The following CELA3A variants were observed in gnomAD, a reference collection of about 807,000 sequenced individuals.
CELA3A encodes chymotrypsin like elastase 3A, also known as chymotrypsin-like elastase family member 3A.
A neutral mutation model predicts 38.6 loss-of-function variants in CELA3A; 35 were observed. The ratio of observed to expected loss-of-function variants is 0.91; its 90% CI spans 0.69 to 1.20. The LOEUF is 1.20. CELA3A is among the 50% of genes most tolerant of loss of function. CELA3A has a pLI of 0.00. For synonymous variants in CELA3A, 143 were observed against 136.7 expected (o/e 1.05, Z -0.32); for missense variants, 343 against 354.2 (o/e 0.97, Z 0.25).
intron 7 of CELA3A, among the ~76,000 whole-genome samples, chr1:22,011,259 T>A (rs1290939260): frequency 6.7e-6 from 1 of 149,018 alleles, no homozygotes; most frequent in East Asian, 2.1e-4. Context: ...TGCATGCCTG[T>A]GGTCCCAGCT....
chr1:22,010,552 G>C (rs1644977220), intron 7 of CELA3A: 1 of 191,430 alleles, frequency 5.2e-6, no homozygotes, highest in African/African-American at 2.5e-5. Flanking sequence ...GGAGGTGGAG[G>C]TTGCAGTTAG....
At chr1:22,010,582 C>G (rs1644977535) in intron 7 of CELA3A, 1 of 145,948 alleles carries the variant, frequency 6.9e-6, no homozygotes, top group Non-Finnish European at 1.4e-5. Context: ...TACCACTGCA[C>G]TGCAGCCTGG....
chr1:22,005,818 G>A, intron 4 of CELA3A, 22 bp downstream of exon 4: 1 of 1,610,048 alleles, frequency 6.2e-7, no homozygotes, highest in Non-Finnish European at 8.5e-7. Context: ...CTCCGGTCTG[G>A]AACCCAGGGG....
chr1:22,005,860 C>G lies in CELA3A; in HGVS notation c.362+64C>G, dbSNP rs1644947043. On this transcript the variant is annotated intron_variant, in intron 4 of 7. Coordinates refer to ENST00000290122, the MANE Select transcript of CELA3A (RefSeq NM_005747.5). ...TACTTGTCCCTCCATGACCCACAGCCAAGTCTGAGTAGGCTCCAACTCTGA... is the reference window on the plus strand; with the variant it reads ...TACTTGTCCCTCCATGACCCACAGCGAAGTCTGAGTAGGCTCCAACTCTGA... The G allele has an allele frequency of 2.5e-6, 4 of 1,604,388 alleles. No individual in the cohort carries two copies. In the Admixed American group the frequency reaches 6.7e-5, roughly 27 times the overall value.
At chr1:22,009,221 G>A (rs1457373036) in intron 6 of CELA3A, among the ~76,000 whole-genome samples, 2 of 151,328 alleles carry the variant, frequency 1.3e-5, no homozygotes, top group African/African-American at 2.4e-5. Flanking sequence ...AAAATTAGCC[G>A]GGCGTGGTAG....
intron 4 of CELA3A, chr1:22,006,027 G>A: frequency 1.5e-6 from 1 of 658,176 alleles, no homozygotes; most frequent in Non-Finnish European, 2.5e-6. Context: ...CAGAGGGGAT[G>A]GCAGTGTTCA....
At chr1:22,002,423 C>T in intron 1 of CELA3A, 1 of 417,702 alleles carries the variant, frequency 2.4e-6, no homozygotes. Flanking sequence ...GTCTCAAAAT[C>T]CTGGCCTCAA....
intron 3 of CELA3A, 53 bp from the exon 4 acceptor site, chr1:22,005,609 G>A: frequency 6.2e-7 from 1 of 1,611,960 alleles, no homozygotes; most frequent in South Asian, 1.1e-5. Flanking sequence ...TGATGATGGG[G>A]AAGGAGGGAG....
intron 1 of CELA3A, among the ~76,000 whole-genome samples, chr1:22,002,257 A>C (rs1457660808): frequency 6.6e-6 from 1 of 151,408 alleles, no homozygotes; most frequent in Admixed American, 6.6e-5. Context: ...TTCTCACAAC[A>C]GCCTCAGGAG....
chr1:22,007,578 C>A, intron 6 of CELA3A, 63 bp downstream of exon 6: 1 of 1,551,536 alleles, frequency 6.4e-7, no homozygotes, highest in Non-Finnish European at 8.7e-7. Flanking sequence ...ATGGGGCCAA[C>A]TGCCTGGAAG....
rs115682252 is a variant in CELA3A, at chr1:22,001,740, T to A, written c.43+23T>A. 3.9e-4 allele frequency: 632 copies of A among 1,611,806 alleles called. 24 individuals carry two copies. In the African/African-American group the frequency reaches 7.6e-3, roughly 19 times the overall value. ...TTGGTAAGACCCCAACCTGTCTGTG[T>A]GCTCCCTGGGCTGCCCTGGACTAGG... On this transcript the variant is annotated intron_variant, in intron 1 of 7. Coordinates refer to ENST00000290122, the MANE Select transcript of CELA3A (RefSeq NM_005747.5).
Position 22,003,044 on chromosome 1 carries a change from G to A in CELA3A, c.85G>A (p.Val29Ile), listed in dbSNP as rs201536611. 1.7e-4 allele frequency: 267 copies of A among 1,571,840 alleles called. 24 individuals carry two copies. The highest frequency in any genetic ancestry group is 9.6e-4 in the East Asian group (40 of 41,660). ...ACCTTCCTCTCACTCTTCCAGCCGC[G>A]TTGTCCATGGTGAGGATGCGGTCCC... is the stretch of plus-strand genomic sequence containing the variant. ...GPPSSHSSSR[V>I]VHGEDAVPYS... is the part of the protein sequence containing the mutation. Residue 29 changes from valine (V) to isoleucine (I), a missense_variant, in exon 2 of 8, where the codon GTT becomes ATT. Transcript: ENST00000290122.
At chr1:22,002,221 G>A (rs2152819050) in intron 1 of CELA3A, among the ~76,000 whole-genome samples, 1 of 151,242 alleles carries the variant, frequency 6.6e-6, no homozygotes, top group Non-Finnish European at 1.5e-5. Flanking sequence ...GAATGTTTAG[G>A]GATTTTCTTA....
chr1:22,003,653 C>T (rs1237445604), intron 2 of CELA3A, among the ~76,000 whole-genome samples: 1 of 150,350 alleles, frequency 6.7e-6, no homozygotes, highest in Non-Finnish European at 1.5e-5. Context: ...TGCACTCCAG[C>T]CCCGGGCAAC....
intron 6 of CELA3A, among the ~76,000 whole-genome samples, chr1:22,008,959 A>G (rs1270861965): frequency 6.6e-6 from 1 of 151,648 alleles, no homozygotes; most frequent in Non-Finnish European, 1.5e-5. Context: ...CAAATGAGTC[A>G]GCTGGCTGGG....
intron 2 of CELA3A, 31 bp downstream of exon 2, chr1:22,003,119 A>G: frequency 3.2e-6 from 5 of 1,553,374 alleles, no homozygotes; most frequent in Non-Finnish European, 4.4e-6. Flanking sequence ...CCTCATTCCC[A>G]CCGTGGGCTC....
At chr1:22,005,328 T>G in intron 2 of CELA3A, 119 bp from the exon 3 acceptor site, 1 of 1,251,350 alleles carries the variant, frequency 8.0e-7, no homozygotes, top group Non-Finnish European at 1.2e-6. Flanking sequence ...GTGGGTGCTC[T>G]CGTTTTCCAT....
At chr1:22,011,632 T>C (rs1201271033) in intron 7 of CELA3A, among the ~76,000 whole-genome samples, 1 of 125,228 alleles carries the variant, frequency 8.0e-6, no homozygotes, top group African/African-American at 3.3e-5. Context: ...TGGTAGTGCG[T>C]CGCTGTAATC....
intron 4 of CELA3A, 43 bp from the exon 5 acceptor site, chr1:22,006,835 C>A: frequency 6.2e-7 from 1 of 1,601,212 alleles, no homozygotes; most frequent in South Asian, 1.1e-5. Flanking sequence ...AGGACTTGGG[C>A]CGGCTGGAGG....
Sources: gnomAD v4.1 joint callset for allele counts (sites outside exome capture counted in the v4.1 genomes callset) on GRCh38, gnomAD v4.1.1 for gene constraint, MANE v1.5 for transcripts, NCBI Gene and HGNC (gene_info 2026-07-23, HGNC 2026-07-21) for gene names.